The following GNAL variants were observed in gnomAD, a reference collection of about 807,000 sequenced individuals.
The protein encoded by GNAL is G protein subunit alpha L.
A neutral mutation model predicts 55.1 loss-of-function variants in GNAL; 18 were observed. The ratio of observed to expected loss-of-function variants is 0.33; its 90% CI spans 0.23 to 0.48. The LOEUF (loss-of-function observed/expected upper bound fraction) is 0.48. Ranked by LOEUF, GNAL falls within the 20% of genes least tolerant of loss-of-function variation. The pLI is 0.99. For missense variants in GNAL, 412 were observed against 614.1 expected (o/e 0.67, Z 3.48); for synonymous variants, 253 against 237.0 (o/e 1.07, Z -0.62).
rs974362933 is a variant in GNAL, at chr18:11,781,435, T to G, written c.624+27490T>G. 1.5e-4 allele frequency among the ~76,000 whole-genome samples: 23 copies of G among 152,262 alleles called. 2 individuals are homozygous for G. Among genetic ancestry groups the G allele is most frequent in the Admixed American group, 1.3e-3 (20 of 15,298 alleles). ...TAATGTGATAGCATTTCTCCTCCCA[T>G]ACACCCCCACAGCCTCAAAAATCTA... On this transcript the variant is annotated intron_variant, in intron 4 of 11. Coordinates refer to ENST00000334049, the MANE Select transcript of GNAL (RefSeq NM_182978.4).
At chr18:11,864,147 C>T (rs951270403) in intron 6 of GNAL, among the ~76,000 whole-genome samples, 2 of 145,668 alleles carry the variant, frequency 1.4e-5, no homozygotes, top group African/African-American at 2.6e-5. Context: ...AATGCAATGG[C>T]GCGATCTCAG....
At chr18:11,876,340 G>A (rs574257273) in intron 10 of GNAL, among the ~76,000 whole-genome samples, 18 of 152,218 alleles carry the variant, frequency 1.2e-4, no homozygotes, top group East Asian at 5.8e-4. Flanking sequence ...GCGGGTGCCC[G>A]TAATTCCAGC....
intron 5 of GNAL, among the ~76,000 whole-genome samples, chr18:11,860,454 A>C (rs541120775): frequency 5.9e-5 from 9 of 152,332 alleles, no homozygotes; most frequent in African/African-American, 2.2e-4. Flanking sequence ...TAGGGAAGGA[A>C]AAAGAACTTC....
At chr18:11,863,005 A>C (rs1179366354) in intron 6 of GNAL, among the ~76,000 whole-genome samples, 1 of 151,862 alleles carries the variant, frequency 6.6e-6, no homozygotes, top group East Asian at 1.9e-4. Context: ...CAGCCTTCCA[A>C]GTAGCTGGGA....
At chr18:11,766,418 G>T (rs2033408060) in intron 4 of GNAL, among the ~76,000 whole-genome samples, 1 of 152,100 alleles carries the variant, frequency 6.6e-6, no homozygotes, top group Non-Finnish European at 1.5e-5. Flanking sequence ...TTTGTGGATG[G>T]CATAAAATCC....
chr18:11,768,674 C>T (rs1338088510), intron 4 of GNAL, among the ~76,000 whole-genome samples: 1 of 150,326 alleles, frequency 6.7e-6, no homozygotes. Flanking sequence ...GCGGGCGGAT[C>T]ACGAGGTCAG....
chr18:11,884,422 A>ATAT lies in GNAL; in HGVS notation c.*3289_*3291dup, dbSNP rs1354023300. On this transcript the variant is annotated 3_prime_UTR_variant, in exon 12 of 12. Coordinates refer to ENST00000334049, the MANE Select transcript of GNAL (RefSeq NM_182978.4). ...CCAAAGTTCCATTTCTTGGGCTTTG[A>ATAT]TATTTATAATGGCGCCTGCTCTTCA... The ATAT allele has an allele frequency of 1.4e-5, 22 of 1,607,498 alleles. No individual in the cohort carries two copies. Among genetic ancestry groups the ATAT allele is most frequent in the Non-Finnish European group, 1.9e-5 (22 of 1,175,638 alleles).
intron 7 of GNAL, among the ~76,000 whole-genome samples, chr18:11,865,278 T>C (rs1567900240): frequency 6.7e-6 from 1 of 149,578 alleles, no homozygotes; most frequent in African/African-American, 2.6e-5. Flanking sequence ...CCAAGCCCTC[T>C]GCCTATGACC....
chr18:11,723,381 T>C (rs1199946702), intron 1 of GNAL, among the ~76,000 whole-genome samples: 1 of 152,240 alleles, frequency 6.6e-6, no homozygotes, highest in African/African-American at 2.4e-5. Context: ...AAAATCATTC[T>C]TAGCTCATAC....
At chr18:11,755,451 A>G (rs2033020051) in intron 4 of GNAL, among the ~76,000 whole-genome samples, 1 of 151,908 alleles carries the variant, frequency 6.6e-6, no homozygotes, top group Non-Finnish European at 1.5e-5. Flanking sequence ...TGTTTTTTGT[A>G]TTTTTAGTAG....
intron 5 of GNAL, among the ~76,000 whole-genome samples, chr18:11,841,074 G>T (rs1051795637): frequency 1.3e-5 from 2 of 151,616 alleles, no homozygotes; most frequent in South Asian, 2.1e-4. Context: ...AGGTTTCGCC[G>T]TGTTGCCCAG....
chr18:11,874,315 A>G (rs555669796), intron 10 of GNAL: 1 of 152,254 alleles, frequency 6.6e-6, no homozygotes, highest in South Asian at 2.1e-4. Context: ...CTCACTTAGC[A>G]ATTAAAAGGA....
At chr18:11,721,341 T>G (rs577219724) in intron 1 of GNAL, among the ~76,000 whole-genome samples, 57 of 152,336 alleles carry the variant, frequency 3.7e-4, no homozygotes, top group African/African-American at 1.3e-3. Context: ...CTTTGTAAAT[T>G]TGTCCAACTA....
chr18:11,746,950 A>G (rs941478859), intron 1 of GNAL: 2 of 530,226 alleles, frequency 3.8e-6, no homozygotes, highest in African/African-American at 3.9e-5. Context: ...GCACTTCAGT[A>G]GGTGAGTATT....
chr18:11,743,429 A>T (rs2032622442), intron 1 of GNAL, among the ~76,000 whole-genome samples: 1 of 152,184 alleles, frequency 6.6e-6, no homozygotes, highest in East Asian at 1.9e-4. Flanking sequence ...TTTATACTAA[A>T]ATATGTTTGT....
intron 4 of GNAL, among the ~76,000 whole-genome samples, chr18:11,767,426 GC>G (rs1724503036): frequency 6.6e-6 from 1 of 151,424 alleles, no homozygotes; most frequent in Non-Finnish European, 1.5e-5. Context: ...CTGCCGCTGT[GC>G]ACCCTTTTGC....
intron 1 of GNAL, among the ~76,000 whole-genome samples, chr18:11,734,153 T>TC (rs888670525): frequency 4.7e-5 from 7 of 150,366 alleles, no homozygotes; most frequent in East Asian, 1.9e-4. Context: ...TTTTTCTTTT[T>TC]TTTTTTTTTT....
intron 5 of GNAL, among the ~76,000 whole-genome samples, chr18:11,825,637 A>C (rs1462135063): frequency 2.0e-5 from 3 of 151,054 alleles, no homozygotes; most frequent in Non-Finnish European, 4.4e-5. Context: ...AGGCTGAGGC[A>C]GGAGAATCAC....
chr18:11,749,617 C>G lies in GNAL; in HGVS notation c.377-3236C>G, dbSNP rs550317844. Among the ~76,000 whole-genome samples the G allele has an allele frequency of 2.7e-4, 41 of 152,300 alleles. 1 individual carries two copies. In the South Asian group the frequency reaches 7.7e-3, roughly 28 times the overall value. On this transcript the variant is annotated intron_variant, in intron 1 of 11. Coordinates refer to ENST00000334049, the MANE Select transcript of GNAL (RefSeq NM_182978.4). Reference sequence around the variant, plus strand: ...TCAGCCTCCGCCCTCAAGGAGTCCACAGTCTAGTGGAGTTTTGAGGACACA... The same window carrying G: ...TCAGCCTCCGCCCTCAAGGAGTCCAGAGTCTAGTGGAGTTTTGAGGACACA...
Sources: allele counts gnomAD v4.1 joint callset (sites outside exome capture counted in the v4.1 genomes callset), GRCh38; gene constraint gnomAD v4.1.1; transcripts MANE v1.5; gene names NCBI Gene and HGNC (gene_info 2026-07-23, HGNC 2026-07-21).